LDB2: variants seen among roughly 807,000 people sequenced by gnomAD.
LDB2 encodes the protein LIM domain binding 2.
In LDB2, 12 loss-of-function variants were observed where a neutral mutation model predicts 44.3. That is an observed-to-expected ratio of 0.27 (90% confidence interval 0.17 to 0.44). The LOEUF is 0.44. Among genes scored for constraint, LDB2 ranks in the 20% least tolerant of loss-of-function variants. The pLI is 1.00. For missense variants in LDB2, 344 were observed against 473.5 expected (o/e 0.73, Z 2.54); for synonymous variants, 164 against 174.8 (o/e 0.94, Z 0.49).
chr4:16,862,083 T>G (rs1712776642), intron 1 of LDB2, among the ~76,000 whole-genome samples: 1 of 152,148 alleles, frequency 6.6e-6, no homozygotes, highest in Non-Finnish European at 1.5e-5. Flanking sequence ...ACACAGTGAA[T>G]TCTCATCCAA....
intron 1 of LDB2, among the ~76,000 whole-genome samples, chr4:16,870,872 G>C (rs1238435429): frequency 6.6e-6 from 1 of 152,066 alleles, no homozygotes; most frequent in Non-Finnish European, 1.5e-5. Flanking sequence ...GACCTCAGGT[G>C]ATCCGCCCAC....
At chr4:16,539,449 A>C (rs1161957701) in intron 5 of LDB2, among the ~76,000 whole-genome samples, 1 of 152,204 alleles carries the variant, frequency 6.6e-6, no homozygotes. Context: ...TCACATACAC[A>C]GACAAGGGCA....
chr4:16,527,428 AT>A (rs1237032139), intron 5 of LDB2, among the ~76,000 whole-genome samples: 1 of 152,206 alleles, frequency 6.6e-6, no homozygotes, highest in Non-Finnish European at 1.5e-5. Flanking sequence ...TAAAAAAAAA[AT>A]AGATGTTGGC....
At chr4:16,659,725 C>T (rs960748487) in intron 2 of LDB2, among the ~76,000 whole-genome samples, 20 of 142,346 alleles carry the variant, frequency 1.4e-4, no homozygotes, top group African/African-American at 5.1e-4. Flanking sequence ...AGGTAATCGG[C>T]CTTCTGAGAA....
chr4:16,624,806 T>G (rs746101337), intron 2 of LDB2, among the ~76,000 whole-genome samples: 9 of 152,252 alleles, frequency 5.9e-5, no homozygotes, highest in African/African-American at 1.2e-4. Context: ...GACACCATTT[T>G]ATGAATAAAG....
At chr4:16,888,775 A>G in intron 1 of LDB2, 1 of 900,140 alleles carries the variant, frequency 1.1e-6, no homozygotes, top group Non-Finnish European at 1.3e-6. Flanking sequence ...TATACCAGGC[A>G]TTATACATGC....
At chr4:16,663,008 T>C (rs1742039494) in intron 2 of LDB2, among the ~76,000 whole-genome samples, 1 of 152,142 alleles carries the variant, frequency 6.6e-6, no homozygotes, top group African/African-American at 2.4e-5. Flanking sequence ...TCTTTCAGGA[T>C]CCTGAAAGAA....
intron 1 of LDB2, among the ~76,000 whole-genome samples, chr4:16,763,208 G>C (rs1267178218): frequency 6.6e-6 from 1 of 151,702 alleles, no homozygotes; most frequent in Non-Finnish European, 1.5e-5. Context: ...ATAATAGGTA[G>C]ATAAGATAAT....
intron 1 of LDB2, among the ~76,000 whole-genome samples, chr4:16,827,350 G>T (rs1401668393): frequency 1.3e-5 from 2 of 151,948 alleles, no homozygotes; most frequent in Non-Finnish European, 1.5e-5. Context: ...CAAGATGAAA[G>T]AAATAAGTGC....
chr4:16,640,404 G>C (rs1156655718), intron 2 of LDB2, among the ~76,000 whole-genome samples: 1 of 152,172 alleles, frequency 6.6e-6, no homozygotes, highest in Admixed American at 6.5e-5. Context: ...CTTCTAAGTT[G>C]CTGGGCTATT....
chr4:16,897,892 GA>G (rs1369845460), intron 1 of LDB2, among the ~76,000 whole-genome samples: 1 of 42,992 alleles, frequency 2.3e-5, no homozygotes, highest in Admixed American at 3.5e-4. Flanking sequence ...TTGTAAAAAA[GA>G]AAATATATAT....
intron 1 of LDB2, among the ~76,000 whole-genome samples, chr4:16,879,886 A>G (rs1719546402): frequency 2.0e-5 from 3 of 152,154 alleles, no homozygotes; most frequent in Admixed American, 2.0e-4. Context: ...ACTGCATTCT[A>G]TGGACATGGT....
chr4:16,800,260 T>C (rs908796266), intron 1 of LDB2, among the ~76,000 whole-genome samples: 5 of 152,224 alleles, frequency 3.3e-5, no homozygotes, highest in African/African-American at 1.2e-4. Context: ...AGCAACTCCA[T>C]AAAACTGATA....
At chr4:16,648,954 C>T (rs1354968189) in intron 2 of LDB2, among the ~76,000 whole-genome samples, 3 of 151,832 alleles carry the variant, frequency 2.0e-5, no homozygotes, top group Non-Finnish European at 2.9e-5. Flanking sequence ...AAGCTGAAGC[C>T]AATAATTTGA....
intron 5 of LDB2, among the ~76,000 whole-genome samples, chr4:16,515,853 A>ATTAT (rs1265198573): frequency 2.2e-4 from 32 of 146,712 alleles, no homozygotes; most frequent in African/African-American, 5.2e-4. Context: ...TATTTATTTT[A>ATTAT]TTATTTATTT....
intron 2 of LDB2, among the ~76,000 whole-genome samples, chr4:16,757,549 A>G (rs1195623972): frequency 1.3e-5 from 2 of 152,208 alleles, no homozygotes; most frequent in African/African-American, 2.4e-5. Context: ...TTCCCTGAGC[A>G]GTCCCTGATG....
intron 4 of LDB2, among the ~76,000 whole-genome samples, chr4:16,588,150 C>G (rs190460897): frequency 1.3e-5 from 2 of 152,106 alleles, no homozygotes; most frequent in African/African-American, 4.8e-5. Context: ...AGAACCCACC[C>G]TTGCACCTAA....
At chr4:16,623,880 C>T (rs535660636) in intron 2 of LDB2, among the ~76,000 whole-genome samples, 1 of 152,130 alleles carries the variant, frequency 6.6e-6, no homozygotes, top group South Asian at 2.1e-4. Context: ...TGTTTTCAGC[C>T]CCATAGAGAA....
chr4:16,872,311 A>G (rs1020460478), intron 1 of LDB2, among the ~76,000 whole-genome samples: 5 of 151,898 alleles, frequency 3.3e-5, no homozygotes, highest in African/African-American at 1.2e-4. Context: ...TTATTCTTTT[A>G]TCTTTATTTT....
Sources: gnomAD v4.1 joint callset for allele counts (sites outside exome capture counted in the v4.1 genomes callset) on GRCh38, gnomAD v4.1.1 for gene constraint, MANE v1.5 for transcripts, NCBI Gene and HGNC (gene_info 2026-07-23, HGNC 2026-07-21) for gene names.